The following GRID2 variants were observed in gnomAD, a reference collection of about 807,000 sequenced individuals.
The protein encoded by GRID2 is glutamate receptor ionotropic, delta-2.
In GRID2, 33 loss-of-function variants were observed where a neutral mutation model predicts 114.8. That is an observed-to-expected ratio of 0.29 (90% CI 0.22 to 0.38). The LOEUF (loss-of-function observed/expected upper bound fraction) is 0.38. GRID2 is among the 10% of genes least tolerant of loss of function. The pLI, the probability that GRID2 is intolerant of heterozygous loss-of-function variation, is 1.00. For synonymous variants in GRID2, 505 were observed against 449.9 expected, an observed-to-expected ratio of 1.12 and a Z score of -1.55; for missense variants, 1,184 against 1,257.7, an observed-to-expected ratio of 0.94 and a Z score of 0.89.
intron 2 of GRID2, among the ~76,000 whole-genome samples, chr4:92,766,141 CAAAGCTACTATAAGTTA>C (rs1738252654): frequency 6.6e-6 from 1 of 152,102 alleles, no homozygotes; most frequent in South Asian, 2.1e-4. Context: ...ATTCTTCTGG[CAAAGCTACTATAAGTTA>C]AAATGACATT....
chr4:93,321,519 TA>T lies in GRID2; in HGVS notation c.1246-74083del, dbSNP rs1437087048. ...ATAAGTAGAGTTTGATGTATTTGCATAAAAACAAAACAAATTTTAAAAATAC... is the reference window on the plus strand; with the variant it reads ...ATAAGTAGAGTTTGATGTATTTGCATAAAACAAAACAAATTTTAAAAATAC... On this transcript the variant is annotated intron_variant, in intron 8 of 15. Coordinates refer to ENST00000282020, the MANE Select transcript of GRID2 (RefSeq NM_001510.4). Among the ~76,000 whole-genome samples the T allele has an allele frequency of 3.3e-5, 5 of 152,230 alleles. No individual in the cohort carries two copies. In the East Asian group the frequency reaches 7.7e-4, roughly 24 times the overall value.
chr4:93,043,743 T>G (rs1345302704), intron 2 of GRID2, among the ~76,000 whole-genome samples: 1 of 149,056 alleles, frequency 6.7e-6, no homozygotes, highest in Admixed American at 6.7e-5. Flanking sequence ...AAGGGGAACA[T>G]CAAACACCGG....
chr4:92,664,473 A>T (rs964121405), intron 2 of GRID2, among the ~76,000 whole-genome samples: 1 of 151,080 alleles, frequency 6.6e-6, no homozygotes, highest in Non-Finnish European at 1.5e-5. Flanking sequence ...AAATATATAT[A>T]TATTGGGACT....
intron 8 of GRID2, among the ~76,000 whole-genome samples, chr4:93,248,880 CA>C (rs750754568): frequency 1.2e-4 from 18 of 152,128 alleles, no homozygotes; most frequent in Non-Finnish European, 2.5e-4. Flanking sequence ...CCTTCTTAAT[CA>C]GGACACCTGA....
intron 9 of GRID2, among the ~76,000 whole-genome samples, chr4:93,420,453 A>C (rs1266231377): frequency 6.6e-6 from 1 of 152,116 alleles, no homozygotes; most frequent in Non-Finnish European, 1.5e-5. Context: ...CAATTGTGTA[A>C]AGTTTTATTA....
chr4:93,769,218 A>G lies in GRID2; in HGVS notation c.2369A>G (p.Glu790Gly), dbSNP rs1733922813. 1 of 1,613,938 alleles carries G rather than the reference A, an allele frequency of 6.2e-7. No individual in the cohort carries two copies. Among genetic ancestry groups the G allele is most frequent in the Non-Finnish European group, 8.5e-7 (1 of 1,179,828 alleles). Residue 790 changes from glutamate (E) to glycine (G), a missense_variant, in exon 15 of 16, where the codon GAG becomes GGG. Physicochemically the swap from Glu to Gly is moderately conservative, Grantham distance 98. This residue lies in a region of GRID2 where 717 missense variants were observed against 796.9 expected (regional missense o/e 0.90). Transcript: ENST00000282020. ...YRDVFSQRIL[E>G]LQQNGDMDIL... is the part of the protein sequence containing the mutation. The stretch of plus-strand genomic sequence containing the variant: ...ATGTTCTTTATCCCAAGGATCCTGG[A>G]GCTTCAGCAGAATGGTGACATGGAC...
chr4:92,635,772 G>T (rs555181082), intron 2 of GRID2, among the ~76,000 whole-genome samples: 2 of 152,122 alleles, frequency 1.3e-5, no homozygotes, highest in East Asian at 1.9e-4. Flanking sequence ...GTATTTCAAT[G>T]ATTTCAGGTA....
At chr4:93,522,041 A>G (rs1730388174) in intron 13 of GRID2, among the ~76,000 whole-genome samples, 1 of 152,196 alleles carries the variant, frequency 6.6e-6, no homozygotes, top group African/African-American at 2.4e-5. Context: ...CCCATAATAC[A>G]GGAAAAAGAC....
intron 2 of GRID2, among the ~76,000 whole-genome samples, chr4:92,864,284 G>T (rs1349709134): frequency 1.3e-5 from 2 of 152,176 alleles, no homozygotes; most frequent in African/African-American, 4.8e-5. Flanking sequence ...GGGAAAAGAA[G>T]TTCTTTTGGA....
At chr4:93,054,582 CTCAGAT>C (rs1727048083) in intron 2 of GRID2, among the ~76,000 whole-genome samples, 1 of 151,872 alleles carries the variant, frequency 6.6e-6, no homozygotes. Context: ...CAATTTAAAT[CTCAGAT>C]TCAAATAAGT....
At chr4:93,218,453 A>T (rs1456205871) in intron 6 of GRID2, among the ~76,000 whole-genome samples, 1 of 152,108 alleles carries the variant, frequency 6.6e-6, no homozygotes, top group Non-Finnish European at 1.5e-5. Flanking sequence ...GCAGTGAGCC[A>T]AGATTGTGCT....
intron 2 of GRID2, among the ~76,000 whole-genome samples, chr4:92,691,518 G>T (rs1734181842): frequency 6.6e-6 from 1 of 152,154 alleles, no homozygotes; most frequent in Non-Finnish European, 1.5e-5. Flanking sequence ...TGCAAGCAGA[G>T]CTAAGTGGTT....
chr4:92,956,803 C>A (rs1350173292), intron 2 of GRID2, among the ~76,000 whole-genome samples: 1 of 152,156 alleles, frequency 6.6e-6, no homozygotes, highest in African/African-American at 2.4e-5. Context: ...TGGTTCACAT[C>A]CTCCCCAGCA....
chr4:92,993,532 A>T (rs910962502), intron 2 of GRID2, among the ~76,000 whole-genome samples: 2 of 152,138 alleles, frequency 1.3e-5, no homozygotes, highest in South Asian at 2.1e-4. Context: ...TTTTACCCAA[A>T]ATAAATTAAT....
chr4:93,329,431 A>G (rs1758199689), intron 8 of GRID2, among the ~76,000 whole-genome samples: 1 of 152,142 alleles, frequency 6.6e-6, no homozygotes, highest in South Asian at 2.1e-4. Context: ...TAATAATAAT[A>G]TGTCTAAGAT....
rs1241333095 is a variant in GRID2 at position 93,228,934 on chromosome 4, G to GA, written c.1125+4163dup. On this transcript the variant is annotated intron_variant, in intron 7 of 15. Transcript: ENST00000282020. ...TTCAATATGTAAGATATTGCTGTTA[G>GA]AAAATTTATAACCAAAACAATTATT... 4.6e-5 allele frequency among the ~76,000 whole-genome samples: 7 copies of GA among 152,182 alleles called. No homozygotes were observed. In the East Asian group the frequency reaches 1.4e-3, roughly 29 times the overall value.
intron 2 of GRID2, among the ~76,000 whole-genome samples, chr4:92,785,439 TC>T (rs1386398969): frequency 6.6e-6 from 1 of 151,500 alleles, no homozygotes; most frequent in African/African-American, 2.4e-5. Flanking sequence ...CTTAGTTTTT[TC>T]CAAGATACGT....
At chr4:93,803,015 T>A (rs1734961552) in intron 1 of GRID2, among the ~76,000 whole-genome samples, 2 of 152,230 alleles carry the variant, frequency 1.3e-5, no homozygotes, top group South Asian at 2.1e-4. Context: ...TGGCCTTGTT[T>A]GAACATAGAA....
chr4:92,618,554 A>C (rs1730116878), intron 2 of GRID2, among the ~76,000 whole-genome samples: 1 of 151,582 alleles, frequency 6.6e-6, no homozygotes, highest in Non-Finnish European at 1.5e-5. Flanking sequence ...GAATGTCATG[A>C]ATAAGAGTTG....
Sources: allele counts gnomAD v4.1 joint callset (sites outside exome capture counted in the v4.1 genomes callset), GRCh38; gene constraint gnomAD v4.1.1; regional missense constraint gnomAD v4.1.1; transcripts MANE v1.5; gene names NCBI Gene and HGNC (gene_info 2026-07-23, HGNC 2026-07-21).